The following RBBP8 variants were observed in gnomAD, a reference collection of about 807,000 sequenced individuals.
RBBP8 encodes RB binding protein 8, endonuclease.
A neutral mutation model predicts 108.3 loss-of-function variants in RBBP8; 88 were observed. That is an observed-to-expected ratio of 0.81 (90% CI 0.68 to 0.97). RBBP8 has a LOEUF of 0.97. RBBP8 is among the 50% of genes least tolerant of loss of function. The pLI, the probability that RBBP8 is intolerant of heterozygous loss-of-function variation, is 0.00. For missense variants in RBBP8, 1,023 were observed against 1,049.0 expected (o/e 0.98, Z 0.34); for synonymous variants, 332 against 348.2 (o/e 0.95, Z 0.52).
At chr18:22,965,479 T>C (rs983387989) in intron 4 of RBBP8, among the ~76,000 whole-genome samples, 5 of 152,110 alleles carry the variant, frequency 3.3e-5, no homozygotes, top group Non-Finnish European at 7.3e-5. Context: ...TTTTCTAGAA[T>C]GTGTAATAGG....
rs2046355858 is a variant in RBBP8, at chr18:23,022,172, C to A, written c.2498C>A (p.Ala833Asp). ...GCAGAAGAAAGAGAAAAGAAATTGG[C>A]TTCCTGCTCAAGACACCGATTCCGC... is the stretch of plus-strand genomic sequence containing the variant. ...MPAEEREKKLASCSRHRFRYI... is the reference protein window; with the variant it reads ...MPAEEREKKLDSCSRHRFRYI... The change falls in exon 18 of 19, where the codon GCT becomes GAT. Residue 833 changes from alanine to aspartate, a missense_variant. Transcript: ENST00000327155. 1 of 1,610,482 alleles carries A rather than the reference C, an allele frequency of 6.2e-7. No individual in the cohort carries two copies. Among genetic ancestry groups the A allele is most frequent in the Admixed American group, 1.7e-5 (1 of 59,984 alleles).
intron 12 of RBBP8, among the ~76,000 whole-genome samples, chr18:22,994,646 CA>C (rs201468478): frequency 7.9e-4 from 86 of 109,100 alleles, no homozygotes; most frequent in South Asian, 8.8e-4. Flanking sequence ...GACTCCGTCT[CA>C]AAAAAAAAAA....
At chr18:22,978,639 C>T (rs181241537) in intron 6 of RBBP8, among the ~76,000 whole-genome samples, 13 of 152,098 alleles carry the variant, frequency 8.5e-5, no homozygotes, top group African/African-American at 2.7e-4. Flanking sequence ...CAGGCTGTGA[C>T]GTGATTAGTT....
chr18:23,002,814 A>G (rs934345429), intron 15 of RBBP8, among the ~76,000 whole-genome samples: 3 of 152,178 alleles, frequency 2.0e-5, no homozygotes, highest in African/African-American at 4.8e-5. Context: ...GTGAGACCCA[A>G]ACCAAAGATA....
rs35259762 is a variant in RBBP8 at position 22,959,870 on chromosome 18, C to CTTTT, written c.249-8918_249-8915dup. ...TAAAAATCTATATAAGATGAACTTT[C>CTTTT]TTTTTTTTTTTTTTTTTTTTTGGTG... On this transcript the variant is annotated intron_variant, in intron 4 of 18. Coordinates refer to ENST00000327155, the MANE Select transcript of RBBP8 (RefSeq NM_002894.3). Among the ~76,000 whole-genome samples the CTTTT allele has an allele frequency of 3.1e-3, 268 of 86,194 alleles. 7 individuals carry two copies. The highest frequency in any genetic ancestry group is 4.0e-3 in the Admixed American group (25 of 6,326). 56.5% of individuals were successfully genotyped at this position (86,194 alleles called of 152,430 possible).
chr18:23,006,521 A>G (rs2046051691), intron 16 of RBBP8, 89 bp downstream of exon 16: 1 of 1,160,208 alleles, frequency 8.6e-7, no homozygotes, highest in Non-Finnish European at 1.3e-6. Flanking sequence ...TTTTTTTTAA[A>G]GACAGAGTCT....
upstream of RBBP8, among the ~76,000 whole-genome samples, chr18:22,928,661 A>G (rs1279699387): frequency 6.6e-6 from 1 of 150,480 alleles, no homozygotes; most frequent in Non-Finnish European, 1.5e-5. Context: ...ACCTTTAGGC[A>G]ATAGCCTTTT....
intron 16 of RBBP8, among the ~76,000 whole-genome samples, chr18:23,010,558 C>G (rs2046139360): frequency 6.6e-6 from 1 of 151,914 alleles, no homozygotes; most frequent in African/African-American, 2.4e-5. Flanking sequence ...GATCACACCA[C>G]TGCACTCCAG....
intron 15 of RBBP8, chr18:23,004,476 AG>A (rs2046005466): frequency 6.6e-6 from 1 of 152,430 alleles, no homozygotes; most frequent in Admixed American, 6.5e-5. Flanking sequence ...ATCTCATAGA[AG>A]TAGAGAGTAG....
intron 16 of RBBP8, among the ~76,000 whole-genome samples, chr18:23,015,358 C>T (rs1469918933): frequency 6.6e-6 from 1 of 151,966 alleles, no homozygotes. Flanking sequence ...TTTCATAATA[C>T]AGTATTCATT....
In RBBP8 at chr18:22,956,135, A is replaced by G. The variant is rs1222245107; in HGVS notation, c.248+6422A>G. The stretch of plus-strand genomic sequence containing the variant: ...TTGTTTTTTTAATTGTTGCTAACTA[A>G]ATACTACCTTTAAAGGACTAAGTAG... On this transcript the variant is annotated intron_variant, in intron 4 of 18. Transcript: ENST00000327155. Among the ~76,000 whole-genome samples, 5 of 152,104 alleles carry G rather than the reference A, an allele frequency of 3.3e-5. No homozygotes were observed. The East Asian group carries it at 9.6e-4, about 29-fold the overall frequency.
At chr18:22,988,151 A>T (rs1313023177) in intron 8 of RBBP8, among the ~76,000 whole-genome samples, 6 of 152,204 alleles carry the variant, frequency 3.9e-5, no homozygotes. Flanking sequence ...TCTCATCAAG[A>T]CAACATGTTC....
At chr18:22,949,538 T>G (rs967612469) in intron 3 of RBBP8, 80 bp from the exon 4 acceptor site, 3 of 1,037,914 alleles carry the variant, frequency 2.9e-6, no homozygotes, top group Non-Finnish European at 4.5e-6. Context: ...AAATTTGTTA[T>G]ATAAACACGG....
chr18:22,963,671 A>G (rs375779604), intron 4 of RBBP8, among the ~76,000 whole-genome samples: 1 of 151,642 alleles, frequency 6.6e-6, no homozygotes, highest in Non-Finnish European at 1.5e-5. Context: ...CTTCTTTTCT[A>G]TTTTTTCTTA....
intron 1 of RBBP8, among the ~76,000 whole-genome samples, chr18:22,934,452 G>A (rs1490395662): frequency 6.6e-6 from 1 of 151,970 alleles, no homozygotes; most frequent in Non-Finnish European, 1.5e-5. Context: ...ATTTTAAACT[G>A]TTGACTTAAT....
At chr18:22,954,275 G>A (rs1335012183) in intron 4 of RBBP8, among the ~76,000 whole-genome samples, 6 of 152,204 alleles carry the variant, frequency 3.9e-5, no homozygotes, top group Admixed American at 2.0e-4. Context: ...CCGCCTGTGA[G>A]CCTGTAAAAT....
chr18:22,932,396 G>T (rs1279114748), upstream of RBBP8, among the ~76,000 whole-genome samples: 1 of 152,132 alleles, frequency 6.6e-6, no homozygotes, highest in African/African-American at 2.4e-5. Flanking sequence ...TATAAAATGG[G>T]GAAGTGAATG....
At chr18:22,987,689 C>A (rs1915423564) in intron 8 of RBBP8, among the ~76,000 whole-genome samples, 1 of 152,170 alleles carries the variant, frequency 6.6e-6, no homozygotes, top group South Asian at 2.1e-4. Flanking sequence ...TAGTCTCAAG[C>A]AGGCTCCACC....
At position 22,946,489 on chromosome 18, in the gene RBBP8, AAGTATC is replaced by A. The variant is rs774586324; in HGVS notation, c.152+9_152+14del. On this transcript the variant is annotated splice_donor_5th_base_variant and intron_variant, in intron 3 of 18. Transcript: ENST00000327155. ...AAGCTAAAACAGGAACGAATCTTGT[AAGTATC>A]AGTATGTAATACTCATGTGTTATTT... 1.9e-6 allele frequency: 3 copies of A among 1,612,514 alleles called. No homozygotes were observed. The Admixed American group carries it at 5.0e-5, about 27-fold the overall frequency.
Sources: allele counts gnomAD v4.1 joint callset (sites outside exome capture counted in the v4.1 genomes callset), GRCh38; gene constraint gnomAD v4.1.1; transcripts MANE v1.5; gene names NCBI Gene and HGNC (gene_info 2026-07-23, HGNC 2026-07-21).